Variants in AACS observed in about 807,000 individuals in gnomAD.
AACS encodes the protein acetoacetyl-CoA synthetase.
A neutral mutation model predicts 83.1 loss-of-function variants in AACS; 69 were observed. That is an observed-to-expected ratio of 0.83 (90% CI 0.68 to 1.01). The LOEUF (loss-of-function observed/expected upper bound fraction) is 1.01, where lower values mean the gene tolerates loss of function less well. Ranked by LOEUF, AACS falls within the 50% of genes least tolerant of loss-of-function variation. AACS has a pLI of 0.00. For missense variants in AACS, 866 were observed against 882.2 expected, an observed-to-expected ratio of 0.98 and a Z score of 0.23; for synonymous variants, 333 against 343.4, an observed-to-expected ratio of 0.97 and a Z score of 0.33.
rs1592969662 is a variant in AACS at position 125,098,466 on chromosome 12, T to C, written c.571-4213T>C. ...TTTTCTCATTACCTTTTTTTTTTTT[T>C]TCTGAGACAGAGTCTCAGTCTGTCA... On this transcript the variant is annotated intron_variant, in intron 5 of 17. Transcript: ENST00000316519. Among the ~76,000 whole-genome samples the C allele has an allele frequency of 3.3e-5, 5 of 151,868 alleles. No homozygotes were observed. In the South Asian group the frequency reaches 8.3e-4, roughly 25 times the overall value.
chr12:125,065,483 C>A lies in AACS; in HGVS notation c.-102C>A. The A allele has an allele frequency of 7.8e-7, 1 of 1,277,664 alleles. No homozygotes were observed. Among genetic ancestry groups the A allele is most frequent in the South Asian group, 2.1e-5 (1 of 48,466 alleles). The allele number at this position is 1,277,664 out of a possible 1,614,324, so 79.1% of individuals were successfully genotyped here. On this transcript the variant is annotated 5_prime_UTR_variant, in exon 1 of 18. Coordinates refer to ENST00000316519, the MANE Select transcript of AACS (RefSeq NM_023928.5). Reference sequence around the variant, plus strand: ...CGTCGCTGACCCAGCCCGCCAGGCGCTCCTGACCGTCGCTTCCTCCGGTCC... The same window carrying A: ...CGTCGCTGACCCAGCCCGCCAGGCGATCCTGACCGTCGCTTCCTCCGGTCC...
chr12:125,132,131 G>A (rs1016817983), intron 14 of AACS, among the ~76,000 whole-genome samples: 16 of 152,162 alleles, frequency 1.1e-4, no homozygotes, highest in African/African-American at 3.6e-4. Flanking sequence ...GGAAGACATC[G>A]TTTCTGCGGC....
chr12:125,119,678 C>T (rs983887126), intron 10 of AACS, among the ~76,000 whole-genome samples: 6 of 152,210 alleles, frequency 3.9e-5, no homozygotes, highest in Non-Finnish European at 8.8e-5. Flanking sequence ...CAATTACCTC[C>T]CACTGGGTCC....
intron 5 of AACS, among the ~76,000 whole-genome samples, chr12:125,100,054 T>C (rs1381379451): frequency 6.6e-6 from 1 of 152,176 alleles, no homozygotes; most frequent in African/African-American, 2.4e-5. Context: ...CTTTCTCTGT[T>C]GCCCAGGCTG....
At chr12:125,115,260 GTT>G (rs1160254486) in intron 9 of AACS, among the ~76,000 whole-genome samples, 11 of 132,832 alleles carry the variant, frequency 8.3e-5, no homozygotes, top group Admixed American at 7.5e-5. Context: ...TCTGTGCTGA[GTT>G]TTTTTTTTTT....
chr12:125,076,886 C>A (rs989886974), intron 3 of AACS, among the ~76,000 whole-genome samples: 6 of 152,214 alleles, frequency 3.9e-5, no homozygotes, highest in African/African-American at 1.2e-4. Flanking sequence ...AATCTCTTCC[C>A]ATTGGCTTTT....
intron 1 of AACS, among the ~76,000 whole-genome samples, chr12:125,073,179 C>T (rs1279450353): frequency 6.6e-6 from 1 of 152,142 alleles, no homozygotes; most frequent in Non-Finnish European, 1.5e-5. Flanking sequence ...CCACCTGCCT[C>T]GGCCTCCCAA....
intron 5 of AACS, among the ~76,000 whole-genome samples, chr12:125,098,405 A>AG (rs201129280): frequency 0.027 from 4,047 of 151,360 alleles, 162 homozygotes; most frequent in African/African-American, 0.091. Flanking sequence ...AAAAAAAAAA[A>AG]TCCTTCAGTG....
At chr12:125,101,441 GC>G (rs1956706129) in intron 5 of AACS, 1 of 152,228 alleles carries the variant, frequency 6.6e-6, no homozygotes, top group African/African-American at 2.4e-5. Context: ...GCACGTGTAG[GC>G]TTATGCCATT....
chr12:125,118,427 G>C (rs1241279153), intron 9 of AACS: 1 of 591,756 alleles, frequency 1.7e-6, no homozygotes, highest in East Asian at 3.2e-5. Flanking sequence ...GACATTCTGT[G>C]ACACATCTTC....
In AACS at chr12:125,065,605, C is replaced by G. The variant is rs1390824017; in HGVS notation, c.21C>G (p.Pro7=). 4 of 1,530,112 alleles carry G rather than the reference C, an allele frequency of 2.6e-6. No homozygotes were observed. In the Admixed American group the frequency reaches 6.1e-5, roughly 23 times the overall value. The allele number at this position is 1,530,112 out of a possible 1,614,324, so 94.8% of individuals were successfully genotyped here. A position where few individuals can be genotyped will look rare whatever the true frequency, so the allele number is the denominator to read the frequency against. The part of the protein sequence containing the change: MSKEER[P]GREEILECQV... The stretch of plus-strand genomic sequence containing the variant: ...CCGCCATGTCCAAGGAGGAGCGCCC[C>G]GGTCGGGAGGAGATCCTGGAGTGCC... The change falls in exon 1 of 18, where the codon CCC becomes CCG. Residue 7 remains proline, a synonymous_variant. Coordinates refer to ENST00000316519, the MANE Select transcript of AACS (RefSeq NM_023928.5).
At chr12:125,088,630 A>G (rs56053641) in intron 4 of AACS, among the ~76,000 whole-genome samples, 2 of 152,150 alleles carry the variant, frequency 1.3e-5, no homozygotes, top group African/African-American at 4.8e-5. Flanking sequence ...GGAATGCAAA[A>G]TGTTCTGTCC....
rs57643228 is a variant in AACS at position 125,094,978 on chromosome 12, CGTGTGTGTGTGTGTGTGTGTGT to C, written c.570+3480_570+3501del. On this transcript the variant is annotated intron_variant, in intron 5 of 17. Coordinates refer to ENST00000316519, the MANE Select transcript of AACS (RefSeq NM_023928.5). This position sits in a 1 kb window ranked among gnomAD's most constrained non-coding sequence, Gnocchi z 4.1. ...TCCTCCTGAAGTGCCATCAGGTGGC[CGTGTGTGTGTGTGTGTGTGTGT>C]GTGTGTGTGTGTGTGTGTGTGTGTC... 1.7e-4 allele frequency among the ~76,000 whole-genome samples: 24 copies of C among 145,344 alleles called. 1 individual carries two copies. Among genetic ancestry groups the C allele is most frequent in the Middle Eastern group, 3.5e-3 (1 of 286 alleles).
chr12:125,105,093 G>A (rs1030108293), intron 7 of AACS: 1 of 152,140 alleles, frequency 6.6e-6, no homozygotes, highest in Non-Finnish European at 1.5e-5. Flanking sequence ...GATGGTCCCT[G>A]CCATTCACGA....
chr12:125,091,487 C>T lies in AACS; in HGVS notation c.534C>T (p.Ala178=). Residue 178 remains alanine (A), a synonymous_variant, in exon 5 of 18, where the codon GCC becomes GCT. Coordinates refer to ENST00000316519, the MANE Select transcript of AACS (RefSeq NM_023928.5). ...TGCTGGCTGCGGCAAGCATTGGTGC[C>T]ATCTGGAGCTCCACGTCCCCGGACT... ...EAMLAAASIG[A]IWSSTSPDFG... 1 of 1,614,242 alleles carries T rather than the reference C, an allele frequency of 6.2e-7. No individual in the cohort carries two copies. The highest frequency in any genetic ancestry group is 1.1e-5 in the South Asian group (1 of 91,088).
At chr12:125,135,480 A>G (rs1291854101) in intron 16 of AACS, among the ~76,000 whole-genome samples, 1 of 152,198 alleles carries the variant, frequency 6.6e-6, no homozygotes, top group Non-Finnish European at 1.5e-5. Flanking sequence ...ATCATGCAGG[A>G]CACCAAGCAC....
intron 8 of AACS, among the ~76,000 whole-genome samples, chr12:125,108,559 T>C (rs1323861992): frequency 6.6e-6 from 1 of 152,256 alleles, no homozygotes; most frequent in Non-Finnish European, 1.5e-5. Context: ...TTTTAATTTT[T>C]CTTATTTCAC....
At chr12:125,120,489 G>T (rs773278408) in intron 10 of AACS, 8 of 152,214 alleles carry the variant, frequency 5.3e-5, no homozygotes, top group Non-Finnish European at 1.2e-4. Context: ...CAATCTTAGT[G>T]AGGAAGGCTA....
chr12:125,127,198 C>T (rs997042719), intron 12 of AACS: 2 of 152,166 alleles, frequency 1.3e-5, no homozygotes, highest in African/African-American at 4.8e-5. Flanking sequence ...CCTTCCTCCC[C>T]ACCGTTGGTT....
Sources: allele counts gnomAD v4.1 joint callset (sites outside exome capture counted in the v4.1 genomes callset), GRCh38; gene constraint gnomAD v4.1.1; non-coding constraint Gnocchi (gnomAD v3.1); transcripts MANE v1.5; gene names NCBI Gene and HGNC (gene_info 2026-07-23, HGNC 2026-07-21).